SYT16: variants seen among roughly 807,000 people sequenced by gnomAD.
The protein encoded by SYT16 is synaptotagmin-16.
A neutral mutation model predicts 61.4 loss-of-function variants in SYT16; 42 were observed. The ratio of observed to expected loss-of-function variants is 0.68; its 90% CI spans 0.53 to 0.89. The LOEUF (loss-of-function observed/expected upper bound fraction) is 0.89. Ranked by LOEUF, SYT16 falls within the 40% of genes least tolerant of loss-of-function variation. The pLI, the probability that SYT16 is intolerant of heterozygous loss-of-function variation, is 0.00. For missense variants in SYT16, 804 were observed against 807.3 expected, an observed-to-expected ratio of 1.00 and a Z score of 0.05; for synonymous variants, 314 against 302.3, an observed-to-expected ratio of 1.04 and a Z score of -0.40.
intron 3 of SYT16, among the ~76,000 whole-genome samples, chr14:62,054,474 C>T (rs1161222198): frequency 6.6e-6 from 1 of 151,850 alleles, no homozygotes; most frequent in Non-Finnish European, 1.5e-5. Flanking sequence ...AATCCTCCCA[C>T]CTCAGCCTGA....
intron 1 of SYT16, among the ~76,000 whole-genome samples, chr14:61,896,545 CA>C (rs1362481790): frequency 6.6e-6 from 1 of 152,084 alleles, no homozygotes; most frequent in Non-Finnish European, 1.5e-5. Flanking sequence ...TGGGTATGGC[CA>C]GTTACCCATT....
intron 1 of SYT16, among the ~76,000 whole-genome samples, chr14:61,817,793 A>G (rs1317417061): frequency 6.6e-6 from 1 of 152,172 alleles, no homozygotes; most frequent in Non-Finnish European, 1.5e-5. Flanking sequence ...TGATATTTTT[A>G]TTGTGGTTGA....
chr14:61,832,586 G>A (rs1384313142), intron 1 of SYT16, among the ~76,000 whole-genome samples: 1 of 152,004 alleles, frequency 6.6e-6, no homozygotes, highest in African/African-American at 2.4e-5. Flanking sequence ...GCAGGTACCC[G>A]CCACCATGCC....
At chr14:61,910,721 G>A (rs1247892910) in intron 1 of SYT16, among the ~76,000 whole-genome samples, 1 of 151,682 alleles carries the variant, frequency 6.6e-6, no homozygotes, top group Non-Finnish European at 1.5e-5. Flanking sequence ...TAGAGACAGG[G>A]TTTCACTATG....
At chr14:62,023,786 G>A (rs1045691533) in intron 3 of SYT16, among the ~76,000 whole-genome samples, 1 of 152,054 alleles carries the variant, frequency 6.6e-6, no homozygotes, top group African/African-American at 2.4e-5. Flanking sequence ...TCTGATAAAA[G>A]GTACTCCATC....
At chr14:62,094,566 C>T (rs1267346677) in intron 7 of SYT16, among the ~76,000 whole-genome samples, 1 of 152,046 alleles carries the variant, frequency 6.6e-6, no homozygotes, top group Admixed American at 6.6e-5. Context: ...TTAGTTTATT[C>T]ATTACCTGAT....
chr14:62,011,904 C>CAT lies in SYT16; in HGVS notation c.523+15370_523+15371dup, dbSNP rs368080979. Among the ~76,000 whole-genome samples the CAT allele has an allele frequency of 2.6e-3, 237 of 90,218 alleles. 6 individuals are homozygous for CAT. The South Asian group carries it at 0.059, about 23-fold the overall frequency. 59.2% of individuals were successfully genotyped at this position (90,218 alleles called of 152,430 possible). A position where few individuals can be genotyped will look rare whatever the true frequency, so the allele number is the denominator to read the frequency against. ...ACACACACACACACACACACACACA[C>CAT]ATATATATACACACACACACACATA... On this transcript the variant is annotated intron_variant, in intron 3 of 7. Transcript: ENST00000683842.
intron 3 of SYT16, among the ~76,000 whole-genome samples, chr14:62,067,868 C>T (rs2140936658): frequency 6.6e-6 from 1 of 152,294 alleles, no homozygotes; most frequent in South Asian, 2.1e-4. Flanking sequence ...TGCCTGTAAT[C>T]TCAGCTACTC....
intron 3 of SYT16, among the ~76,000 whole-genome samples, chr14:62,065,610 G>A (rs762374449): frequency 3.9e-5 from 6 of 152,126 alleles, no homozygotes; most frequent in Non-Finnish European, 5.9e-5. Flanking sequence ...GATGACTTAT[G>A]ACTACTTAAA....
chr14:61,837,729 A>G (rs967610314), intron 1 of SYT16, among the ~76,000 whole-genome samples: 2 of 152,198 alleles, frequency 1.3e-5, no homozygotes, highest in African/African-American at 4.8e-5. Context: ...TTCTCTGTGC[A>G]TTCCAGAACA....
intron 1 of SYT16, chr14:61,832,028 C>A: frequency 1.5e-6 from 1 of 688,966 alleles, no homozygotes; most frequent in East Asian, 2.8e-5. Flanking sequence ...TAATGAACGC[C>A]GTGAAGCCAA....
intron 1 of SYT16, among the ~76,000 whole-genome samples, chr14:61,938,707 G>C (rs1174205558): frequency 6.6e-6 from 1 of 152,104 alleles, no homozygotes; most frequent in Non-Finnish European, 1.5e-5. Flanking sequence ...CACCAGCTAA[G>C]GGGGACTGAC....
At chr14:62,078,878 C>T (rs1333607676) in intron 5 of SYT16, among the ~76,000 whole-genome samples, 1 of 152,154 alleles carries the variant, frequency 6.6e-6, no homozygotes, top group Non-Finnish European at 1.5e-5. Context: ...CAGGCTGAAA[C>T]TACTTAGAGC....
intron 1 of SYT16, among the ~76,000 whole-genome samples, chr14:61,889,589 C>CT (rs1555352777): frequency 6.2e-4 from 94 of 150,698 alleles, no homozygotes; most frequent in East Asian, 7.9e-4. Flanking sequence ...GCTCTTGCTC[C>CT]CTCTCTCTCT....
intron 3 of SYT16, 52 bp from the exon 4 acceptor site, chr14:62,069,551 T>C: frequency 6.5e-7 from 1 of 1,530,822 alleles, no homozygotes. Flanking sequence ...TCTATCTCTG[T>C]ATTCGAGCAT....
intron 1 of SYT16, among the ~76,000 whole-genome samples, chr14:61,946,371 C>G (rs571992630): frequency 6.6e-6 from 1 of 152,090 alleles, no homozygotes; most frequent in Non-Finnish European, 1.5e-5. Context: ...AATATCCACT[C>G]ATGGATAGAG....
At chr14:61,934,023 G>A (rs890960378) in intron 1 of SYT16, among the ~76,000 whole-genome samples, 2 of 151,798 alleles carry the variant, frequency 1.3e-5, no homozygotes, top group African/African-American at 4.8e-5. Flanking sequence ...ATATATATAT[G>A]CACACATACA....
chr14:62,000,099 A>ATTTTTTTTTT lies in SYT16; in HGVS notation c.523+3577_523+3586dup. Among the ~76,000 whole-genome samples, 62 of 18,874 alleles carry ATTTTTTTTTT rather than the reference A, an allele frequency of 3.3e-3. 2 individuals are homozygous for ATTTTTTTTTT. The highest frequency in any genetic ancestry group is 5.0e-3 in the South Asian group (2 of 398). The allele number at this position is 18,874 out of a possible 152,430, so 12.4% of individuals were successfully genotyped here. ...TTTCTAATACTTATTTTGTCTCTCG[A>ATTTTTTTTTT]TTTTTTTTTTTTTTTTTTTTTTTTT... On this transcript the variant is annotated intron_variant, in intron 3 of 7. Coordinates refer to ENST00000683842, the MANE Select transcript of SYT16 (RefSeq NM_001367656.1).
At chr14:62,046,653 G>C (rs1264898274) in intron 3 of SYT16, among the ~76,000 whole-genome samples, 1 of 152,206 alleles carries the variant, frequency 6.6e-6, no homozygotes, top group Non-Finnish European at 1.5e-5. Context: ...AAGGGATCCA[G>C]TTTCAGCTTT....
Sources: gnomAD v4.1 joint callset for allele counts (sites outside exome capture counted in the v4.1 genomes callset) on GRCh38, gnomAD v4.1.1 for gene constraint, MANE v1.5 for transcripts, NCBI Gene and HGNC (gene_info 2026-07-23, HGNC 2026-07-21) for gene names.